The following TRDN variants were observed in gnomAD, a reference collection of about 807,000 sequenced individuals.
The protein encoded by TRDN is triadin in skeletal muscle.
In TRDN, 161 loss-of-function variants were observed where a neutral mutation model predicts 149.7. The observed-to-expected ratio is 1.08, with a 90% CI of 0.95 to 1.23. The LOEUF (loss-of-function observed/expected upper bound fraction) is 1.23, where lower values mean the gene tolerates loss of function less well. Ranked by LOEUF, TRDN falls within the 50% of genes most tolerant of loss-of-function variation. The pLI, the probability that TRDN is intolerant of heterozygous loss-of-function variation, is 0.00. For missense variants in TRDN, 896 were observed against 823.5 expected, an observed-to-expected ratio of 1.09 and a Z score of -1.08; for synonymous variants, 294 against 250.5, an observed-to-expected ratio of 1.17 and a Z score of -1.64.
At chr6:123,566,846 C>T (rs951718288) in intron 2 of TRDN, among the ~76,000 whole-genome samples, 16 of 152,122 alleles carry the variant, frequency 1.1e-4, no homozygotes, top group Admixed American at 6.5e-5. Flanking sequence ...TTTTATAATA[C>T]ACATATTTCA....
chr6:123,558,831 T>C (rs796985204), intron 2 of TRDN, among the ~76,000 whole-genome samples: 1 of 152,224 alleles, frequency 6.6e-6, no homozygotes, highest in African/African-American at 2.4e-5. Flanking sequence ...CCCAGCCACA[T>C]CTCCAGCACA....
chr6:123,479,444 T>C (rs566949842), intron 9 of TRDN, among the ~76,000 whole-genome samples: 2 of 152,302 alleles, frequency 1.3e-5, no homozygotes, highest in East Asian at 3.9e-4. Context: ...TATCTATAAT[T>C]CCCCACAAGT....
At chr6:123,506,364 G>T (rs1778923642) in intron 7 of TRDN, among the ~76,000 whole-genome samples, 1 of 152,024 alleles carries the variant, frequency 6.6e-6, no homozygotes. Context: ...CTACTGGACT[G>T]CTTTCTTTCT....
intron 5 of TRDN, among the ~76,000 whole-genome samples, chr6:123,521,536 A>T (rs13194022): frequency 0.78 from 118,394 of 151,996 alleles, 47,447 homozygotes; most frequent in East Asian, 0.88. Context: ...CATGGAACAG[A>T]TTCTTCGTCA....
intron 23 of TRDN, among the ~76,000 whole-genome samples, chr6:123,320,488 T>C (rs1293876003): frequency 6.6e-6 from 1 of 152,014 alleles, no homozygotes; most frequent in African/African-American, 2.4e-5. Context: ...AATCCTTACA[T>C]ACCACTCCTA....
At chr6:123,380,295 A>C (rs1781664170) in intron 16 of TRDN, among the ~76,000 whole-genome samples, 1 of 152,176 alleles carries the variant, frequency 6.6e-6, no homozygotes, top group African/African-American at 2.4e-5. Context: ...TAAATCTTAT[A>C]AACTGTAATA....
intron 34 of TRDN, 45 bp downstream of exon 34, chr6:123,260,567 T>C: frequency 4.8e-6 from 7 of 1,469,852 alleles, no homozygotes; most frequent in Non-Finnish European, 6.3e-6. Context: ...TTACATACTG[T>C]TTCCACAACT....
chr6:123,352,460 T>C, intron 21 of TRDN, 79 bp downstream of exon 21: 2 of 1,580,410 alleles, frequency 1.3e-6, no homozygotes, highest in Non-Finnish European at 1.7e-6. Flanking sequence ...GTCTTCCGCC[T>C]GTCTGAATCC....
chr6:123,270,627 A>C (rs1336683344), intron 30 of TRDN, among the ~76,000 whole-genome samples: 1 of 151,968 alleles, frequency 6.6e-6, no homozygotes, highest in African/African-American at 2.4e-5. Context: ...TCTTTCTCAT[A>C]TGAACTAATG....
At chr6:123,219,069 T>A (rs1435673172) in intron 40 of TRDN, among the ~76,000 whole-genome samples, 1 of 151,924 alleles carries the variant, frequency 6.6e-6, no homozygotes, top group Non-Finnish European at 1.5e-5. Context: ...AGACATCTGT[T>A]GATGTGCATA....
At chr6:123,402,895 T>A (rs184463427) in intron 12 of TRDN, among the ~76,000 whole-genome samples, 9 of 152,234 alleles carry the variant, frequency 5.9e-5, no homozygotes, top group African/African-American at 1.9e-4. Context: ...ATTTTGGACT[T>A]GATAAACAGA....
At chr6:123,554,244 T>C (rs918450956) in intron 2 of TRDN, among the ~76,000 whole-genome samples, 2 of 152,140 alleles carry the variant, frequency 1.3e-5, no homozygotes, top group Admixed American at 1.3e-4. Context: ...TGGTATATGT[T>C]GCTGTATGTA....
chr6:123,491,132 A>AGAAGGAAGGAAGGAAGGAAG (rs149446213), intron 9 of TRDN, among the ~76,000 whole-genome samples: 3,158 of 146,282 alleles, frequency 0.022, 61 homozygotes, highest in East Asian at 0.067. Flanking sequence ...AAGGAACGAA[A>AGAAGGAAGGAAGGAAGGAAG]GAAGGAAGGA....
At chr6:123,514,631 A>AACACACACACACACACAC (rs60716520) in intron 6 of TRDN, among the ~76,000 whole-genome samples, 32 of 147,588 alleles carry the variant, frequency 2.2e-4, no homozygotes, top group African/African-American at 8.0e-4. Context: ...ACATACCCAA[A>AACACACACACACACACAC]ACACACACAC....
intron 10 of TRDN, among the ~76,000 whole-genome samples, chr6:123,448,609 C>T (rs1775551575): frequency 6.6e-6 from 1 of 152,092 alleles, no homozygotes; most frequent in Admixed American, 6.5e-5. Flanking sequence ...TGAGCCCAGA[C>T]ATTCCTAGCC....
chr6:123,473,587 C>T (rs1176909330), intron 9 of TRDN, among the ~76,000 whole-genome samples: 1 of 151,770 alleles, frequency 6.6e-6, no homozygotes, highest in African/African-American at 2.4e-5. Context: ...TCAGGAAATA[C>T]AGAGAAGGCC....
At chr6:123,477,497 T>G (rs1777545647) in intron 9 of TRDN, among the ~76,000 whole-genome samples, 1 of 148,002 alleles carries the variant, frequency 6.8e-6, no homozygotes, top group Non-Finnish European at 1.5e-5. Flanking sequence ...TGGAAGTCAG[T>G]GTGGCGATTC....
At chr6:123,464,642 T>C in intron 10 of TRDN, 2 of 1,204,834 alleles carry the variant, frequency 1.7e-6, no homozygotes, top group Middle Eastern at 3.5e-4. Context: ...TTTGTCCCTA[T>C]ATTTTTTTGC....
chr6:123,349,617 G>A, intron 21 of TRDN: 1 of 903,378 alleles, frequency 1.1e-6, no homozygotes, highest in East Asian at 1.2e-4. Context: ...TTACTTCATT[G>A]ATTTTAAATG....
Sources: gnomAD v4.1 joint callset for allele counts (sites outside exome capture counted in the v4.1 genomes callset) on GRCh38, gnomAD v4.1.1 for gene constraint, MANE v1.5 for transcripts, NCBI Gene and HGNC (gene_info 2026-07-23, HGNC 2026-07-21) for gene names.